Variants in TPD52 observed in about 807,000 individuals in gnomAD.
TPD52 encodes tumor protein D52, also known as prostate and colon associated protein.
In TPD52, 17 loss-of-function variants were observed where a neutral mutation model predicts 31.3. The ratio of observed to expected loss-of-function variants is 0.54; its 90% CI spans 0.37 to 0.82. TPD52 has a LOEUF of 0.82. Ranked by LOEUF, TPD52 falls within the 40% of genes least tolerant of loss-of-function variation. The pLI, the probability that TPD52 is intolerant of heterozygous loss-of-function variation, is 0.00. For synonymous variants in TPD52, 83 were observed against 89.6 expected, an observed-to-expected ratio of 0.93 and a Z score of 0.42; for missense variants, 212 against 240.1, an observed-to-expected ratio of 0.88 and a Z score of 0.77.
chr8:80,126,362 G>GTTT (rs779307059), intron 1 of TPD52, among the ~76,000 whole-genome samples: 7 of 131,864 alleles, frequency 5.3e-5, no homozygotes, highest in African/African-American at 1.9e-4. Flanking sequence ...ACTCATTGAG[G>GTTT]TTTTTTTTTT....
chr8:80,088,311 G>A (rs1466431125), intron 1 of TPD52, among the ~76,000 whole-genome samples: 1 of 152,194 alleles, frequency 6.6e-6, no homozygotes, highest in Non-Finnish European at 1.5e-5. Context: ...GGAAGAACTC[G>A]AATGGAGGCT....
At chr8:80,075,153 G>C (rs577153150) in intron 1 of TPD52, among the ~76,000 whole-genome samples, 2 of 151,836 alleles carry the variant, frequency 1.3e-5, no homozygotes, top group African/African-American at 2.4e-5. Flanking sequence ...CTAATTTTTC[G>C]TATTTTAGTA....
At chr8:80,155,314 G>T (rs559680977) in intron 1 of TPD52, among the ~76,000 whole-genome samples, 4 of 152,286 alleles carry the variant, frequency 2.6e-5, no homozygotes, top group African/African-American at 9.6e-5. Context: ...CTATTCCAGT[G>T]ATTTGAGGTG....
chr8:80,088,386 C>T (rs556495287), intron 1 of TPD52, among the ~76,000 whole-genome samples: 1 of 152,222 alleles, frequency 6.6e-6, no homozygotes, highest in South Asian at 2.1e-4. Flanking sequence ...TTATTTAATC[C>T]CTCAATAACA....
chr8:80,129,608 C>G (rs111708133), intron 1 of TPD52, among the ~76,000 whole-genome samples: 1 of 152,012 alleles, frequency 6.6e-6, no homozygotes, highest in Non-Finnish European at 1.5e-5. Context: ...AATGTATGTT[C>G]CATAGTTTGT....
chr8:80,125,187 C>T (rs1246745964), intron 1 of TPD52, among the ~76,000 whole-genome samples: 1 of 152,176 alleles, frequency 6.6e-6, no homozygotes, highest in Non-Finnish European at 1.5e-5. Flanking sequence ...AGATGCAAGC[C>T]TCAGCCCTGC....
chr8:80,056,959 A>T (rs534847862), intron 2 of TPD52, among the ~76,000 whole-genome samples: 183 of 152,318 alleles, frequency 1.2e-3, no homozygotes, highest in Admixed American at 6.2e-3. Flanking sequence ...ACTTGAGGTC[A>T]GGGGTTTGAG....
chr8:80,171,078 G>C (rs1304242045), intron 1 of TPD52: 1 of 586,018 alleles, frequency 1.7e-6, no homozygotes. Context: ...ACTTACAGGA[G>C]CTGGCTGCGC....
intron 1 of TPD52, among the ~76,000 whole-genome samples, chr8:80,076,554 A>T (rs540036231): frequency 6.6e-6 from 1 of 152,218 alleles, no homozygotes; most frequent in East Asian, 1.9e-4. Context: ...AAAAAAAATC[A>T]CTACTGTGTA....
chr8:80,079,356 C>A (rs1814970685), intron 1 of TPD52, among the ~76,000 whole-genome samples: 1 of 152,184 alleles, frequency 6.6e-6, no homozygotes, highest in Admixed American at 6.5e-5. Context: ...TTTCCTGTTC[C>A]TGGAAATCCC....
At chr8:80,057,200 C>T (rs78717232) in intron 2 of TPD52, among the ~76,000 whole-genome samples, 5,196 of 152,142 alleles carry the variant, frequency 0.034, 232 homozygotes, top group African/African-American at 0.097. Flanking sequence ...AAAGAAAACA[C>T]ACATCCATAC....
rs1441423791 is a variant in TPD52, at chr8:80,171,538, G to C, written c.-95C>G. On this transcript the variant is annotated 5_prime_UTR_variant, in exon 1 of 8. Transcript: ENST00000518937. Reference sequence around the variant, plus strand: ...GCCGCGCCGCGCAGAGCTCCTCCTCGCCTCCGCCGGCGACTCCCGCGAAGT... The same window carrying C: ...GCCGCGCCGCGCAGAGCTCCTCCTCCCCTCCGCCGGCGACTCCCGCGAAGT... 1.4e-6 allele frequency: 2 copies of C among 1,393,572 alleles called. No homozygotes were observed. The highest frequency in any genetic ancestry group is 1.5e-5 in the African/African-American group (1 of 65,918). 86.3% of individuals were successfully genotyped at this position (1,393,572 alleles called of 1,614,324 possible). A position where few individuals can be genotyped will look rare whatever the true frequency, so the allele number is the denominator to read the frequency against.
At chr8:80,131,119 TGAC>T (rs1808987816) in intron 1 of TPD52, among the ~76,000 whole-genome samples, 1 of 151,968 alleles carries the variant, frequency 6.6e-6, no homozygotes, top group Non-Finnish European at 1.5e-5. Context: ...CTGAGGAAGG[TGAC>T]CTAAAGAGCC....
intron 1 of TPD52, among the ~76,000 whole-genome samples, chr8:80,085,469 G>A (rs892281556): frequency 4.6e-5 from 7 of 152,154 alleles, no homozygotes; most frequent in Admixed American, 2.6e-4. Flanking sequence ...TACTTGGAGG[G>A]CACGTCAAAG....
chr8:80,145,074 C>A (rs1453956151), intron 1 of TPD52, among the ~76,000 whole-genome samples: 2 of 152,178 alleles, frequency 1.3e-5, no homozygotes, highest in Non-Finnish European at 2.9e-5. Context: ...CCTGGAGGGT[C>A]ACTCTTTATC....
chr8:80,078,461 G>A (rs969291071), intron 1 of TPD52, among the ~76,000 whole-genome samples: 6 of 152,208 alleles, frequency 3.9e-5, no homozygotes, highest in African/African-American at 1.2e-4. Flanking sequence ...GCAAACACAC[G>A]GAGGACACAT....
rs1378859383 is a variant in TPD52, at chr8:80,154,733, ACACACACACAC to A, written c.19+16681_19+16691del. Among the ~76,000 whole-genome samples, 329 of 149,804 alleles carry A rather than the reference ACACACACACAC, an allele frequency of 2.2e-3. 5 individuals are homozygous for A. The highest frequency in any genetic ancestry group is 3.5e-3 in the Middle Eastern group (1 of 284). On this transcript the variant is annotated intron_variant, in intron 1 of 7. Coordinates refer to ENST00000518937, the MANE Select transcript of TPD52 (RefSeq NM_001025253.3). ...CACACACACACACACACACACACAC[ACACACACACAC>A]ACACACACAAAACACCTACATTAGC...
At chr8:80,164,606 G>C (rs1269197820) in intron 1 of TPD52, among the ~76,000 whole-genome samples, 3 of 152,216 alleles carry the variant, frequency 2.0e-5, no homozygotes, top group Non-Finnish European at 2.9e-5. Flanking sequence ...TAGTTAGGCT[G>C]GGTATGGTGG....
rs182516096 is a variant in TPD52 at position 80,074,915 on chromosome 8, C to T, written c.20-10322G>A. Among the ~76,000 whole-genome samples the T allele has an allele frequency of 2.0e-5, 3 of 152,236 alleles. No homozygotes were observed. The East Asian group carries it at 5.8e-4, about 29-fold the overall frequency. On this transcript the variant is annotated intron_variant, in intron 1 of 7. Coordinates refer to ENST00000518937, the MANE Select transcript of TPD52 (RefSeq NM_001025253.3). Reference sequence around the variant, plus strand: ...AAGAAAAAAACTGAGAAAACTTGATCCACTCCATTTAAGGGAAGACCCAAG... The same window carrying T: ...AAGAAAAAAACTGAGAAAACTTGATTCACTCCATTTAAGGGAAGACCCAAG...
Sources: gnomAD v4.1 joint callset for allele counts (sites outside exome capture counted in the v4.1 genomes callset) on GRCh38, gnomAD v4.1.1 for gene constraint, MANE v1.5 for transcripts, NCBI Gene and HGNC (gene_info 2026-07-23, HGNC 2026-07-21) for gene names.